Variants in ZNF804B observed in about 807,000 individuals in gnomAD.
The protein encoded by ZNF804B is zinc finger protein 804B.
Under a neutral mutation model 101.4 loss-of-function variants are expected in ZNF804B, and 80 were observed. The ratio of observed to expected loss-of-function variants is 0.79; its 90% CI spans 0.66 to 0.95. The LOEUF is 0.95. ZNF804B is among the 40% of genes least tolerant of loss of function. ZNF804B has a pLI of 0.00. For missense variants in ZNF804B, 1,673 were observed against 1,561.9 expected (o/e 1.07, Z -1.20); for synonymous variants, 622 against 558.8 (o/e 1.11, Z -1.59).
chr7:89,289,487 C>T lies in ZNF804B; in HGVS notation c.250-37857C>T, dbSNP rs1790254619. Among the ~76,000 whole-genome samples, 3 of 152,128 alleles carry T rather than the reference C, an allele frequency of 2.0e-5. No homozygotes were observed. In the South Asian group the frequency reaches 6.2e-4, roughly 32 times the overall value. ...AAAAGGTAGTCTTAAATTGCTAATGCCACCCCTTTCCCACCCCTAGCAGCA... is the reference window on the plus strand; with the variant it reads ...AAAAGGTAGTCTTAAATTGCTAATGTCACCCCTTTCCCACCCCTAGCAGCA... On this transcript the variant is annotated intron_variant, in intron 2 of 3. Transcript: ENST00000333190.
At chr7:89,318,997 C>G (rs900362424) in intron 2 of ZNF804B, among the ~76,000 whole-genome samples, 1 of 152,090 alleles carries the variant, frequency 6.6e-6, no homozygotes, top group Non-Finnish European at 1.5e-5. Context: ...AGGGATGGGC[C>G]GACTTAATTG....
intron 1 of ZNF804B, among the ~76,000 whole-genome samples, chr7:89,006,778 A>G (rs971125575): frequency 1.3e-5 from 2 of 152,284 alleles, no homozygotes; most frequent in Admixed American, 6.5e-5. Flanking sequence ...TCTCCAGACT[A>G]TTCAACTCAC....
chr7:89,096,419 C>T (rs79979605), intron 1 of ZNF804B, among the ~76,000 whole-genome samples: 1,545 of 152,078 alleles, frequency 0.01, 24 homozygotes, highest in African/African-American at 0.035. Context: ...GAGTTGATCC[C>T]GAGACTGATG....
At chr7:89,158,691 A>G (rs992328584) in intron 1 of ZNF804B, among the ~76,000 whole-genome samples, 14 of 151,988 alleles carry the variant, frequency 9.2e-5, no homozygotes, top group African/African-American at 2.7e-4. Context: ...ACCCCAAACT[A>G]TTTTCCTAAG....
chr7:89,335,820 C>G lies in ZNF804B; in HGVS notation c.2838C>G (p.Ile946Met). ...AAGAACAATCAAGTAATGTTGAGAT[C>G]TCTTCAAACAGTTGTAAAAGTGAAT... The part of the protein sequence containing the change: ...KCQEQSSNVE[I>M]SSNSCKSELE... The change falls in exon 4 of 4, where the codon ATC becomes ATG. Residue 946 changes from isoleucine (I) to methionine (M), a missense_variant. Coordinates refer to ENST00000333190, the MANE Select transcript of ZNF804B (RefSeq NM_181646.5). 6.2e-7 allele frequency: 1 copy of G among 1,614,036 alleles called. No individual in the cohort carries two copies. The highest frequency in any genetic ancestry group is 1.7e-5 in the Admixed American group (1 of 59,988).
intron 2 of ZNF804B, among the ~76,000 whole-genome samples, chr7:89,266,134 A>T (rs2115826021): frequency 6.6e-6 from 1 of 152,298 alleles, no homozygotes; most frequent in South Asian, 2.1e-4. Context: ...GACCTCCAGA[A>T]CAGGGCCATT....
At chr7:88,900,949 A>C (rs576014092) in intron 1 of ZNF804B, among the ~76,000 whole-genome samples, 1 of 151,904 alleles carries the variant, frequency 6.6e-6, no homozygotes, top group Non-Finnish European at 1.5e-5. Flanking sequence ...GAATTCTCAA[A>C]AAGTAATTTA....
intron 1 of ZNF804B, among the ~76,000 whole-genome samples, chr7:88,848,786 A>G (rs1791411536): frequency 6.6e-6 from 1 of 152,040 alleles, no homozygotes; most frequent in Non-Finnish European, 1.5e-5. Flanking sequence ...CAAATAGAGG[A>G]ACTAGTATGG....
chr7:89,024,761 T>C (rs920843618), intron 1 of ZNF804B, among the ~76,000 whole-genome samples: 1 of 151,192 alleles, frequency 6.6e-6, no homozygotes, highest in African/African-American at 2.4e-5. Flanking sequence ...ACCTGTGTAG[T>C]CTATGGAGCC....
chr7:89,334,210 A>G lies in ZNF804B; in HGVS notation c.1228A>G (p.Arg410Gly), dbSNP rs1478709813. The change falls in exon 4 of 4, where the codon AGA (arginine) becomes GGA (glycine). Residue 410 changes from arginine to glycine, a missense_variant. By Grantham distance (125) the Arg-to-Gly change is moderately radical. Transcript: ENST00000333190. ...GAATCCAAATTCCAGAATAGAGAAC[A>G]GAGAAAAATCTTTAGATAAAACAGA... ...HLNPNSRIEN[R>G]EKSLDKTERV... is the part of the protein sequence containing the mutation. 6.2e-7 allele frequency: 1 copy of G among 1,613,542 alleles called. No homozygotes were observed. The highest frequency in any genetic ancestry group is 2.2e-5 in the East Asian group (1 of 44,854).
chr7:89,182,514 T>G (rs1272802105), intron 1 of ZNF804B, among the ~76,000 whole-genome samples: 1 of 152,194 alleles, frequency 6.6e-6, no homozygotes, highest in African/African-American at 2.4e-5. Flanking sequence ...ATGTGTTTTC[T>G]AATTAATTAT....
At chr7:89,089,354 C>A (rs974533876) in intron 1 of ZNF804B, among the ~76,000 whole-genome samples, 2 of 146,736 alleles carry the variant, frequency 1.4e-5, no homozygotes, top group Admixed American at 1.3e-4. Context: ...GCTATGTTTT[C>A]GGAAAAATTT....
At chr7:89,033,129 C>T (rs1280309500) in intron 1 of ZNF804B, among the ~76,000 whole-genome samples, 1 of 151,850 alleles carries the variant, frequency 6.6e-6, no homozygotes, top group African/African-American at 2.4e-5. Context: ...ACTTCCACTC[C>T]TACTCCCCAG....
At chr7:88,988,657 A>G (rs1266269698) in intron 1 of ZNF804B, among the ~76,000 whole-genome samples, 1 of 152,128 alleles carries the variant, frequency 6.6e-6, no homozygotes, top group Non-Finnish European at 1.5e-5. Flanking sequence ...ACAACAACAA[A>G]AGAATGTGAG....
At chr7:89,105,949 C>T (rs1790129767) in intron 1 of ZNF804B, among the ~76,000 whole-genome samples, 1 of 152,134 alleles carries the variant, frequency 6.6e-6, no homozygotes, top group African/African-American at 2.4e-5. Context: ...TATTACAAAA[C>T]ATACAGATGA....
rs1246534410 is a variant in ZNF804B, at chr7:89,221,694, C to CTATTG, written c.249+3403_249+3404insGTATT. Among the ~76,000 whole-genome samples, 145 of 57,604 alleles carry CTATTG rather than the reference C, an allele frequency of 2.5e-3. 3 individuals are homozygous for CTATTG. The East Asian group carries it at 0.051, about 20-fold the overall frequency. The allele number at this position is 57,604 out of a possible 152,430, so 37.8% of individuals were successfully genotyped here. A position where few individuals can be genotyped will look rare whatever the true frequency, so the allele number is the denominator to read the frequency against. ...TGATAAACAACCTTCCTCAATATTT[C>CTATTG]TATTCTATTCTATTCTATTCTATTC... On this transcript the variant is annotated intron_variant, in intron 2 of 3. Transcript: ENST00000333190.
intron 2 of ZNF804B, among the ~76,000 whole-genome samples, chr7:89,318,507 A>C (rs1584122291): frequency 1.3e-5 from 2 of 152,196 alleles, no homozygotes; most frequent in East Asian, 3.9e-4. Context: ...TTACACCTAT[A>C]ATCCCAGCAC....
In ZNF804B at chr7:89,335,574, C is replaced by T. The variant is rs140102475; in HGVS notation, c.2592C>T (p.Tyr864=). 552 of 1,613,868 alleles carry T rather than the reference C, an allele frequency of 3.4e-4. 3 individuals carry two copies. In the African/African-American group the frequency reaches 6.7e-3, roughly 20 times the overall value. The change falls in exon 4 of 4, where the codon TAC becomes TAT. Residue 864 remains tyrosine, a synonymous_variant. Transcript: ENST00000333190. The part of the protein sequence containing the change: ...LDSYSIEKMY[Y]LNKSKRNQES... ...CTTACTCAATAGAGAAAATGTATTA[C>T]TTGAATAAAAGCAAGAGAAATCAAG...
At chr7:88,941,759 C>T (rs1202434871) in intron 1 of ZNF804B, among the ~76,000 whole-genome samples, 3 of 151,958 alleles carry the variant, frequency 2.0e-5, no homozygotes, top group Admixed American at 6.6e-5. Flanking sequence ...AAATTGTGGA[C>T]TTTAGAAGAT....
Sources: allele counts gnomAD v4.1 joint callset (sites outside exome capture counted in the v4.1 genomes callset), GRCh38; gene constraint gnomAD v4.1.1; transcripts MANE v1.5; gene names NCBI Gene and HGNC (gene_info 2026-07-23, HGNC 2026-07-21).